The following ROR2 variants were observed in gnomAD, a reference collection of about 807,000 sequenced individuals.
ROR2 encodes tyrosine-protein kinase transmembrane receptor ROR2.
In ROR2, 33 loss-of-function variants were observed where a neutral mutation model predicts 74.9. That is an observed-to-expected ratio of 0.44 (90% CI 0.33 to 0.59). The LOEUF is 0.59. ROR2 is among the 20% of genes least tolerant of loss of function. The pLI is 0.02. For synonymous variants in ROR2, 586 were observed against 558.7 expected, an observed-to-expected ratio of 1.05 and a Z score of -0.69; for missense variants, 1,216 against 1,313.8, an observed-to-expected ratio of 0.93 and a Z score of 1.15.
At chr9:91,921,317 A>G (rs1831256781) in intron 1 of ROR2, among the ~76,000 whole-genome samples, 1 of 152,262 alleles carries the variant, frequency 6.6e-6, no homozygotes, top group African/African-American at 2.4e-5. Context: ...TTAAAACAGG[A>G]ATTCCAAATT....
chr9:91,924,902 T>C (rs2117892471), intron 1 of ROR2, among the ~76,000 whole-genome samples: 1 of 152,282 alleles, frequency 6.6e-6, no homozygotes, highest in Non-Finnish European at 1.5e-5. Flanking sequence ...TGGAGTGCAG[T>C]GGCACAATCA....
chr9:91,751,569 C>T (rs1345566047), intron 4 of ROR2, among the ~76,000 whole-genome samples: 1 of 152,140 alleles, frequency 6.6e-6, no homozygotes, highest in Non-Finnish European at 1.5e-5. Context: ...CCTTAAAATA[C>T]ACACAAAATA....
intron 2 of ROR2, among the ~76,000 whole-genome samples, chr9:91,762,349 T>A (rs1415002653): frequency 6.6e-6 from 1 of 152,226 alleles, no homozygotes; most frequent in Admixed American, 6.5e-5. Flanking sequence ...TCTGAGTTGA[T>A]TGCCTTGGAT....
At position 91,724,245 on chromosome 9, in the gene ROR2, C is replaced by A. The variant is rs552528721; in HGVS notation, c.2249G>T (p.Gly750Val). ...CGAGCTGTTGTAGTTGGAAAGGTTG[C>A]CCCAGGCTCGGAGCCGGCTGTGGAT... ...KDIHSRLRAW[G>V]NLSNYNSSAQ... The change falls in exon 9 of 9, where the codon GGC becomes GTC. Residue 750 changes from glycine to valine, a missense_variant. Transcript: ENST00000375708. The A allele has an allele frequency of 7.4e-6, 12 of 1,613,362 alleles. No individual in the cohort carries two copies. In the South Asian group the frequency reaches 1.3e-4, roughly 18 times the overall value.
chr9:91,812,392 G>A (rs550136500), intron 1 of ROR2, among the ~76,000 whole-genome samples: 1 of 152,002 alleles, frequency 6.6e-6, no homozygotes, highest in African/African-American at 2.4e-5. Flanking sequence ...AGGCTCCTGC[G>A]CGGGGGCCGG....
intron 1 of ROR2, among the ~76,000 whole-genome samples, chr9:91,795,760 C>G (rs1827147768): frequency 1.3e-5 from 2 of 152,186 alleles, no homozygotes; most frequent in Non-Finnish European, 2.9e-5. Flanking sequence ...CCTCCTGTTT[C>G]TCCAGGCTAA....
intron 1 of ROR2, among the ~76,000 whole-genome samples, chr9:91,816,676 T>A (rs186807393): frequency 1.1e-3 from 166 of 150,906 alleles, no homozygotes; most frequent in Middle Eastern, 3.4e-3. Context: ...CTTCAGTGGG[T>A]CCTTGTTTAC....
intron 1 of ROR2, among the ~76,000 whole-genome samples, chr9:91,792,371 A>G (rs997382659): frequency 6.4e-5 from 7 of 109,030 alleles, no homozygotes; most frequent in African/African-American, 2.5e-4. Context: ...GCAGTAGTGC[A>G]ATCTCAGCTC....
chr9:91,878,107 T>C (rs1830004701), intron 1 of ROR2, among the ~76,000 whole-genome samples: 1 of 152,172 alleles, frequency 6.6e-6, no homozygotes, highest in African/African-American at 2.4e-5. Flanking sequence ...TTATAGCAGC[T>C]GAGAAATCCT....
At chr9:91,805,285 G>A (rs1391753467) in intron 1 of ROR2, among the ~76,000 whole-genome samples, 1 of 152,212 alleles carries the variant, frequency 6.6e-6, no homozygotes, top group Non-Finnish European at 1.5e-5. Context: ...GGAGTTAGGG[G>A]CAGGGGAGAA....
At chr9:91,824,197 A>G (rs1828217298) in intron 1 of ROR2, among the ~76,000 whole-genome samples, 1 of 152,248 alleles carries the variant, frequency 6.6e-6, no homozygotes, top group Non-Finnish European at 1.5e-5. Context: ...TCTTACAGAT[A>G]AAGGATGGGC....
intron 1 of ROR2, among the ~76,000 whole-genome samples, chr9:91,800,158 A>G (rs1417232834): frequency 6.6e-6 from 1 of 152,164 alleles, no homozygotes; most frequent in Non-Finnish European, 1.5e-5. Flanking sequence ...TCCGGCCAAC[A>G]TGGTGAAACC....
At chr9:91,821,640 G>T (rs1205522220) in intron 1 of ROR2, among the ~76,000 whole-genome samples, 2 of 152,126 alleles carry the variant, frequency 1.3e-5, no homozygotes, top group African/African-American at 4.8e-5. Flanking sequence ...CCTTCCAAAT[G>T]TGAGTCAACC....
intron 1 of ROR2, among the ~76,000 whole-genome samples, chr9:91,901,922 G>C (rs904494390): frequency 1.1e-4 from 17 of 152,064 alleles, no homozygotes; most frequent in African/African-American, 3.9e-4. Flanking sequence ...GGTGTAGGTG[G>C]GGGGGCCTAC....
At chr9:91,749,359 G>C (rs2118804701) in intron 4 of ROR2, among the ~76,000 whole-genome samples, 1 of 152,278 alleles carries the variant, frequency 6.6e-6, no homozygotes, top group African/African-American at 2.4e-5. Context: ...TCCTGGTGGG[G>C]GTTCTCCTCC....
chr9:91,846,376 C>T (rs1427796671), intron 1 of ROR2, among the ~76,000 whole-genome samples: 3 of 152,188 alleles, frequency 2.0e-5, no homozygotes, highest in Non-Finnish European at 2.9e-5. Context: ...CTGGCACTCA[C>T]TCTTTCCACC....
At chr9:91,930,917 T>G (rs1014086794) in intron 1 of ROR2, among the ~76,000 whole-genome samples, 2 of 152,198 alleles carry the variant, frequency 1.3e-5, no homozygotes, top group African/African-American at 4.8e-5. Flanking sequence ...ACTGGTGAAG[T>G]TGCTGAATCT....
In ROR2 at chr9:91,724,770, C is replaced by G; in HGVS notation, c.1724G>C (p.Gly575Ala). Residue 575 changes from glycine to alanine, a missense_variant, in exon 9 of 9, where the codon GGC becomes GCC. Transcript: ENST00000375708. ...LVMRSPHSDVGSTDDDRTVKS... is the reference protein window; with the variant it reads ...LVMRSPHSDVASTDDDRTVKS... ...CACCGTGCGGTCATCATCGGTGCTG[C>G]CCACGTCCGAGTGCGGCGAGCGCAT... 5 of 1,613,018 alleles carry G rather than the reference C, an allele frequency of 3.1e-6. No individual in the cohort carries two copies. The highest frequency in any genetic ancestry group is 4.2e-6 in the Non-Finnish European group (5 of 1,179,200).
Position 91,723,595 on chromosome 9 carries a change from A to C in ROR2, c.*67T>G. 3 of 1,588,954 alleles carry C rather than the reference A, an allele frequency of 1.9e-6. No homozygotes were observed. Among genetic ancestry groups the C allele is most frequent in the Non-Finnish European group, 2.6e-6 (3 of 1,170,474 alleles). ...ATTGCTGAGTATGGTGTCTTCTCAA[A>C]GGTGACTGAGGTCCCTGTGGGGTCT... On this transcript the variant is annotated 3_prime_UTR_variant, in exon 9 of 9. Coordinates refer to ENST00000375708, the MANE Select transcript of ROR2 (RefSeq NM_004560.4).
Sources: gnomAD v4.1 joint callset for allele counts (sites outside exome capture counted in the v4.1 genomes callset) on GRCh38, gnomAD v4.1.1 for gene constraint, MANE v1.5 for transcripts, NCBI Gene and HGNC (gene_info 2026-07-23, HGNC 2026-07-21) for gene names.